Variants in SPATS2L observed in about 807,000 individuals in gnomAD.
SPATS2L encodes the protein spermatogenesis associated serine rich 2 like, also known as SPATS2-like protein.
A neutral mutation model predicts 59.6 loss-of-function variants in SPATS2L; 30 were observed. The observed-to-expected ratio is 0.50, with a 90% CI of 0.38 to 0.68. The LOEUF (loss-of-function observed/expected upper bound fraction) is 0.68. Ranked by LOEUF, SPATS2L falls within the 30% of genes least tolerant of loss-of-function variation. The pLI is 0.00. For missense variants in SPATS2L, 615 were observed against 700.0 expected (o/e 0.88, Z 1.37); for synonymous variants, 252 against 263.5 (o/e 0.96, Z 0.42).
chr2:200,319,911 C>T (rs920578694), intron 1 of SPATS2L, among the ~76,000 whole-genome samples: 1 of 152,038 alleles, frequency 6.6e-6, no homozygotes, highest in East Asian at 1.9e-4. Context: ...ATTATTTTTC[C>T]TCTTTATCAA....
chr2:200,398,601 T>G (rs1447225352), intron 3 of SPATS2L, among the ~76,000 whole-genome samples: 2 of 152,214 alleles, frequency 1.3e-5, no homozygotes, highest in Non-Finnish European at 2.9e-5. Context: ...AACTGTCCTT[T>G]GTGTACAATG....
intron 1 of SPATS2L, among the ~76,000 whole-genome samples, chr2:200,325,536 G>A (rs1001731018): frequency 3.9e-5 from 6 of 152,120 alleles, no homozygotes; most frequent in South Asian, 2.1e-4. Context: ...ACACCACCAC[G>A]CCTGGCTAAT....
At chr2:200,426,070 C>T (rs2083556105) in intron 6 of SPATS2L, among the ~76,000 whole-genome samples, 1 of 148,238 alleles carries the variant, frequency 6.7e-6, no homozygotes, top group Non-Finnish European at 1.5e-5. Flanking sequence ...GAATTATAAC[C>T]ATAGGTTTTT....
intron 8 of SPATS2L, among the ~76,000 whole-genome samples, chr2:200,445,284 G>A (rs1001280558): frequency 6.6e-6 from 1 of 152,224 alleles, no homozygotes; most frequent in Non-Finnish European, 1.5e-5. Context: ...CTGCACTCCA[G>A]CTTGGGCAGC....
At chr2:200,341,846 C>G (rs764828421) in intron 2 of SPATS2L, among the ~76,000 whole-genome samples, 1 of 151,824 alleles carries the variant, frequency 6.6e-6, no homozygotes, top group Admixed American at 6.6e-5. Context: ...CCTGCCACCA[C>G]GCCCAGATAT....
Position 200,472,172 on chromosome 2 carries a change from G to A in SPATS2L, c.1061-660G>A, listed in dbSNP as rs116747078. ...GTAACCTTGGAAGTGGTGCACATCT[G>A]CAGTGAGGCTGCAGAAAACGGGGCT... On this transcript the variant is annotated intron_variant, in intron 11 of 12. Transcript: ENST00000409140. 3.2e-3 allele frequency among the ~76,000 whole-genome samples: 486 copies of A among 152,338 alleles called. 2 individuals carry two copies. Among genetic ancestry groups the A allele is most frequent in the Non-Finnish European group, 5.2e-3 (352 of 68,030 alleles).
intron 2 of SPATS2L, among the ~76,000 whole-genome samples, chr2:200,382,910 T>A (rs1225222465): frequency 1.3e-5 from 2 of 152,228 alleles, no homozygotes; most frequent in Non-Finnish European, 2.9e-5. Flanking sequence ...GGAAACTGGC[T>A]TTCCCCTTAT....
chr2:200,416,628 C>CA lies in SPATS2L; in HGVS notation c.198+201dup, dbSNP rs2083072246. Among the ~76,000 whole-genome samples the CA allele has an allele frequency of 2.0e-5, 3 of 152,126 alleles. No individual in the cohort carries two copies. The South Asian group carries it at 6.2e-4, about 32-fold the overall frequency. ...ACTAGTAATGCCCTTATTTTCTACT[C>CA]AGTGTTTTTAACAACCAGGTGTGCT... On this transcript the variant is annotated intron_variant, in intron 5 of 12. Coordinates refer to ENST00000409140, the MANE Select transcript of SPATS2L (RefSeq NM_001100423.2).
chr2:200,342,076 C>T (rs888910733), intron 2 of SPATS2L, among the ~76,000 whole-genome samples: 8 of 152,196 alleles, frequency 5.3e-5, no homozygotes, highest in Non-Finnish European at 1.0e-4. Context: ...GACACTCCCT[C>T]CCTTTTTTCT....
intron 8 of SPATS2L, among the ~76,000 whole-genome samples, chr2:200,448,310 T>C (rs1203564342): frequency 6.6e-6 from 1 of 152,034 alleles, no homozygotes; most frequent in Admixed American, 6.5e-5. Flanking sequence ...GGTGTGGTGG[T>C]GCATGCCTGC....
intron 2 of SPATS2L, among the ~76,000 whole-genome samples, chr2:200,371,789 G>T (rs921962745): frequency 3.3e-5 from 5 of 152,214 alleles, no homozygotes; most frequent in African/African-American, 7.2e-5. Context: ...CTTGCAGATT[G>T]TGGGTACATT....
At chr2:200,399,313 G>A (rs1247608276) in intron 3 of SPATS2L, among the ~76,000 whole-genome samples, 3 of 152,110 alleles carry the variant, frequency 2.0e-5, no homozygotes, top group East Asian at 1.9e-4. Flanking sequence ...GAGGGGAGTC[G>A]TGTAGTATTT....
chr2:200,403,124 T>G (rs1475837200), intron 3 of SPATS2L, among the ~76,000 whole-genome samples: 2 of 152,244 alleles, frequency 1.3e-5, no homozygotes, highest in Admixed American at 1.3e-4. Flanking sequence ...TAGTGATTAA[T>G]TAATGTGGCT....
intron 2 of SPATS2L, among the ~76,000 whole-genome samples, chr2:200,338,512 A>G (rs2080216460): frequency 1.3e-5 from 2 of 152,184 alleles, no homozygotes; most frequent in African/African-American, 4.8e-5. Context: ...TGTGATGTAG[A>G]CTAAGGGCTT....
chr2:200,422,692 A>C (rs72922012), intron 6 of SPATS2L, among the ~76,000 whole-genome samples: 4,794 of 152,266 alleles, frequency 0.031, 109 homozygotes, highest in Non-Finnish European at 0.042. Flanking sequence ...TTTTAGCTAT[A>C]GTAATCTGCC....
intron 8 of SPATS2L, among the ~76,000 whole-genome samples, chr2:200,458,784 G>A (rs1416193487): frequency 2.0e-5 from 3 of 151,988 alleles, no homozygotes; most frequent in Non-Finnish European, 4.4e-5. Context: ...ATACTAAGTA[G>A]ATATCTGATA....
chr2:200,378,235 A>G, intron 2 of SPATS2L: 2 of 1,002,506 alleles, frequency 2.0e-6, no homozygotes, highest in Non-Finnish European at 2.4e-6. Flanking sequence ...CACTATTGAG[A>G]TGACTTACTG....
At chr2:200,350,118 C>T (rs1266462661) in intron 2 of SPATS2L, among the ~76,000 whole-genome samples, 1 of 152,166 alleles carries the variant, frequency 6.6e-6, no homozygotes, top group African/African-American at 2.4e-5. Context: ...ATATGTCCCA[C>T]AGGGTTGAGA....
At chr2:200,417,822 C>T (rs1341808128) in intron 5 of SPATS2L, among the ~76,000 whole-genome samples, 3 of 152,126 alleles carry the variant, frequency 2.0e-5, no homozygotes, top group Non-Finnish European at 2.9e-5. Context: ...TGTTGAAGAA[C>T]GAAGCCACGC....
Sources: gnomAD v4.1 joint callset for allele counts (sites outside exome capture counted in the v4.1 genomes callset) on GRCh38, gnomAD v4.1.1 for gene constraint, MANE v1.5 for transcripts, NCBI Gene and HGNC (gene_info 2026-07-23, HGNC 2026-07-21) for gene names.